CYB5RL: variants seen among roughly 807,000 people sequenced by gnomAD.
CYB5RL encodes cytochrome b5 reductase like, also known as NADH-cytochrome b5 reductase-like.
Under a neutral mutation model 37.5 loss-of-function variants are expected in CYB5RL, and 38 were observed. The ratio of observed to expected loss-of-function variants is 1.01; its 90% CI spans 0.78 to 1.33. CYB5RL has a LOEUF of 1.33. Ranked by LOEUF, CYB5RL falls within the 40% of genes most tolerant of loss-of-function variation. The pLI, the probability that CYB5RL is intolerant of heterozygous loss-of-function variation, is 0.00. For missense variants in CYB5RL, 388 were observed against 394.4 expected, an observed-to-expected ratio of 0.98 and a Z score of 0.14; for synonymous variants, 141 against 151.9, an observed-to-expected ratio of 0.93 and a Z score of 0.53.
In CYB5RL at chr1:54,174,574, C is replaced by A; in HGVS notation, c.*45G>T. ...TTCCAGTCTGTGCTCCTTCCTGGGT[C>A]CCAGTAGCAGGCTCATGGCCTAGGC... On this transcript the variant is annotated 3_prime_UTR_variant, in exon 8 of 8. Coordinates refer to ENST00000534324, the MANE Select transcript of CYB5RL (RefSeq NM_001031672.4). 3 of 1,563,376 alleles carry A rather than the reference C, an allele frequency of 1.9e-6. No individual in the cohort carries two copies. Among genetic ancestry groups the A allele is most frequent in the Non-Finnish European group, 2.6e-6 (3 of 1,153,794 alleles).
At chr1:54,185,347 T>C (rs1660263435) in intron 5 of CYB5RL, 1 of 147,972 alleles carries the variant, frequency 6.8e-6, no homozygotes, top group African/African-American at 2.4e-5. Flanking sequence ...GGAGCAGGGG[T>C]GCAGAGAGGA....
Position 54,190,911 on chromosome 1 carries a change from G to T in CYB5RL, c.199-15C>A. ...GAGGGGCAGCTCTGCAACAGGAAGA[G>T]ATCCAACAGCTAGAGGCCGGGGCTC... On this transcript the variant is annotated splice_polypyrimidine_tract_variant and intron_variant, in intron 3 of 7. Transcript: ENST00000534324. 6.2e-7 allele frequency: 1 copy of T among 1,609,378 alleles called. No homozygotes were observed. Among genetic ancestry groups the T allele is most frequent in the Non-Finnish European group, 8.5e-7 (1 of 1,178,250 alleles).
intron 7 of CYB5RL, among the ~76,000 whole-genome samples, chr1:54,175,381 C>T (rs1659994720): frequency 6.6e-6 from 1 of 152,218 alleles, no homozygotes; most frequent in Admixed American, 6.5e-5. Context: ...TCCCAGGTCA[C>T]AATGCCTTCA....
At chr1:54,190,941 G>C in intron 3 of CYB5RL, 45 bp from the exon 4 acceptor site, 1 of 1,591,470 alleles carries the variant, frequency 6.3e-7, no homozygotes, top group South Asian at 1.1e-5. Flanking sequence ...GGGCTCCACA[G>C]ACACACAGGC....
chr1:54,185,939 T>C (rs1295185161), intron 5 of CYB5RL: 1 of 157,712 alleles, frequency 6.3e-6, no homozygotes, highest in Non-Finnish European at 1.4e-5. Context: ...TCATGAGATC[T>C]GATGGTTTTA....
chr1:54,189,402 C>A (rs936300827), intron 4 of CYB5RL, among the ~76,000 whole-genome samples: 1 of 151,876 alleles, frequency 6.6e-6, no homozygotes, highest in Non-Finnish European at 1.5e-5. Context: ...AAGGGCAAAT[C>A]GGGACAGGAA....
intron 7 of CYB5RL, among the ~76,000 whole-genome samples, chr1:54,177,850 G>A (rs1660059089): frequency 6.6e-6 from 1 of 152,202 alleles, no homozygotes; most frequent in Non-Finnish European, 1.5e-5. Context: ...CACCTTCACT[G>A]TTGTGTGTCT....
At chr1:54,198,193 T>G (rs1211648051) in intron 1 of CYB5RL, among the ~76,000 whole-genome samples, 1 of 152,100 alleles carries the variant, frequency 6.6e-6, no homozygotes, top group East Asian at 1.9e-4. Context: ...AAACAGGTCA[T>G]TGTTCCTACC....
chr1:54,171,671 T>C lies in CYB5RL; in HGVS notation c.*2948A>G, dbSNP rs777601357. ...TTGACCTCTTGATGCCTGCGTATCA[T>C]GTCTAGCTCCTAAGTCTCCCTTCTC... On this transcript the variant is annotated 3_prime_UTR_variant, in exon 8 of 8. Coordinates refer to ENST00000534324, the MANE Select transcript of CYB5RL (RefSeq NM_001031672.4). 7 of 347,286 alleles carry C rather than the reference T, an allele frequency of 2.0e-5. No homozygotes were observed. The highest frequency in any genetic ancestry group is 3.4e-5 in the Non-Finnish European group (6 of 175,470). The allele number at this position is 347,286 out of a possible 1,614,324, so 21.5% of individuals were successfully genotyped here.
intron 5 of CYB5RL, chr1:54,186,213 C>T (rs1402947160): frequency 6.6e-6 from 1 of 152,214 alleles, no homozygotes. Flanking sequence ...AACTTTTGTC[C>T]TTCCATTTGG....
At position 54,171,413 on chromosome 1, in the gene CYB5RL, G is replaced by A. The variant is rs1465479723; in HGVS notation, c.*3206C>T. 3 of 456,320 alleles carry A rather than the reference G, an allele frequency of 6.6e-6. No individual in the cohort carries two copies. The highest frequency in any genetic ancestry group is 8.8e-6 in the Non-Finnish European group (2 of 226,798). The allele number at this position is 456,320 out of a possible 1,614,324, so 28.3% of individuals were successfully genotyped here. A position where few individuals can be genotyped will look rare whatever the true frequency, so the allele number is the denominator to read the frequency against. On this transcript the variant is annotated 3_prime_UTR_variant, in exon 8 of 8. Transcript: ENST00000534324. ...TGACAGGCTTGGATTTGTGTGTGGG[G>A]AAAACTGGTCTGGTCTCAGCGTGGA...
chr1:54,184,290 C>A, intron 5 of CYB5RL, 25 bp from the exon 6 acceptor site: 1 of 1,598,758 alleles, frequency 6.3e-7, no homozygotes. Context: ...AGGGAGACGT[C>A]AGCGGGACAG....
At chr1:54,197,718 A>G (rs1342516221) in intron 1 of CYB5RL, among the ~76,000 whole-genome samples, 1 of 151,936 alleles carries the variant, frequency 6.6e-6, no homozygotes, top group South Asian at 2.1e-4. Flanking sequence ...CCTTTCCTAA[A>G]TTTAAGAATC....
chr1:54,175,112 T>C (rs1301865669), intron 7 of CYB5RL, among the ~76,000 whole-genome samples: 1 of 152,212 alleles, frequency 6.6e-6, no homozygotes, highest in African/African-American at 2.4e-5. Flanking sequence ...CATTTCTCAC[T>C]GCCTTCCAGC....
At chr1:54,181,797 A>T (rs1254308294) in intron 6 of CYB5RL, among the ~76,000 whole-genome samples, 1 of 152,224 alleles carries the variant, frequency 6.6e-6, no homozygotes. Flanking sequence ...ACAAAAAAAT[A>T]CAAAACTTAG....
chr1:54,189,241 C>T (rs1643928056), intron 4 of CYB5RL, among the ~76,000 whole-genome samples: 1 of 152,084 alleles, frequency 6.6e-6, no homozygotes, highest in African/African-American at 2.4e-5. Context: ...ACCTAAGGAA[C>T]AGAGCACAGA....
chr1:54,187,948 C>T lies in CYB5RL; in HGVS notation c.348-209G>A, dbSNP rs901554499. On this transcript the variant is annotated intron_variant, in intron 4 of 7. Transcript: ENST00000534324. ...AAATTTAGCTGGGTGTGGTGGCTCA[C>T]GCCTGTAGTCTCAGCTACCTGGGAG... The T allele has an allele frequency of 1.2e-4, 62 of 528,162 alleles. 1 individual carries two copies. The highest frequency in any genetic ancestry group is 7.7e-4 in the Admixed American group (23 of 29,956). 32.7% of individuals were successfully genotyped at this position (528,162 alleles called of 1,614,324 possible).
At position 54,195,631 on chromosome 1, in the gene CYB5RL, CA is replaced by C. The variant is rs755249028; in HGVS notation, c.-16del. The C allele has an allele frequency of 2.5e-6, 4 of 1,597,940 alleles. No homozygotes were observed. In the South Asian group the frequency reaches 4.5e-5, roughly 18 times the overall value. On this transcript the variant is annotated 5_prime_UTR_variant, in exon 3 of 8. Transcript: ENST00000534324. ...TCAGCCATCATCAGTGGGGCTTGGG[CA>C]GCCTAGAAGGAACAACTGGGTGCTC...
chr1:54,184,410 T>C lies in CYB5RL; in HGVS notation c.436-145A>G, dbSNP rs532898884. The C allele has an allele frequency of 7.3e-6, 5 of 682,364 alleles. No individual in the cohort carries two copies. In the South Asian group the frequency reaches 1.0e-4, roughly 14 times the overall value. The allele number at this position is 682,364 out of a possible 1,614,324, so 42.3% of individuals were successfully genotyped here. A position where few individuals can be genotyped will look rare whatever the true frequency, so the allele number is the denominator to read the frequency against. On this transcript the variant is annotated intron_variant, in intron 5 of 7. Transcript: ENST00000534324. ...TAATCGTCCTCCTTATCCTACAAAG[T>C]TGGTACAGCCATTCCCAATTTTCAG...
Sources: allele counts gnomAD v4.1 joint callset (sites outside exome capture counted in the v4.1 genomes callset), GRCh38; gene constraint gnomAD v4.1.1; transcripts MANE v1.5; gene names NCBI Gene and HGNC (gene_info 2026-07-23, HGNC 2026-07-21).